HDAC4: variants seen among roughly 807,000 people sequenced by gnomAD.
HDAC4 encodes histone deacetylase 4.
Under a neutral mutation model 135.1 loss-of-function variants are expected in HDAC4, and 16 were observed. The observed-to-expected ratio is 0.12, with a 90% confidence interval of 0.08 to 0.18. HDAC4 has a LOEUF of 0.18. HDAC4 is among the 10% of genes least tolerant of loss of function. HDAC4 has a pLI of 1.00. For synonymous variants in HDAC4, 685 were observed against 653.4 expected, an observed-to-expected ratio of 1.05 and a Z score of -0.74; for missense variants, 1,143 against 1,511.8, an observed-to-expected ratio of 0.76 and a Z score of 4.05.
intron 3 of HDAC4, among the ~76,000 whole-genome samples, chr2:239,197,847 T>TTG (rs368801140): frequency 0.056 from 7,902 of 140,144 alleles, 246 homozygotes; most frequent in Admixed American, 0.069. Flanking sequence ...CACTAAAAGT[T>TTG]TGTGTGTGTG....
At chr2:239,067,894 C>T (rs2033728197) in intron 23 of HDAC4, among the ~76,000 whole-genome samples, 1 of 152,202 alleles carries the variant, frequency 6.6e-6, no homozygotes, top group Admixed American at 6.5e-5. Context: ...GGAGGCTCTC[C>T]AGGATCCTCG....
Position 239,134,377 on chromosome 2 carries a change from A to G in HDAC4, c.1162T>C (p.Phe388Leu). ...LPALQQRLSLFPGTHLTPYLS... is the reference protein window; with the variant it reads ...LPALQQRLSLLPGTHLTPYLS... Reference sequence around the variant, plus strand: ...TAGGGAGTGAGGTGGGTGCCGGGGAAAAGGGAGAGCCTCTGCTGGAGGGCG... The same window carrying G: ...TAGGGAGTGAGGTGGGTGCCGGGGAGAAGGGAGAGCCTCTGCTGGAGGGCG... The change falls in exon 11 of 27, where the codon TTC becomes CTC. Residue 388 changes from phenylalanine to leucine, a missense_variant. Transcript: ENST00000543185. 6.2e-7 allele frequency: 1 copy of G among 1,613,954 alleles called. No homozygotes were observed. Among genetic ancestry groups the G allele is most frequent in the Non-Finnish European group, 8.5e-7 (1 of 1,179,984 alleles).
intron 6 of HDAC4, 39 bp from the exon 7 acceptor site, chr2:239,156,812 G>A: frequency 1.2e-6 from 2 of 1,613,540 alleles, no homozygotes. Flanking sequence ...AGTTTACCCA[G>A]CGCACTGCCC....
chr2:239,168,616 T>G (rs11679247), intron 5 of HDAC4, among the ~76,000 whole-genome samples: 13,158 of 152,198 alleles, frequency 0.086, 653 homozygotes, highest in East Asian at 0.17. Flanking sequence ...TTCAAATGCT[T>G]AGATGCTGGC....
In HDAC4 at chr2:239,059,261, TAAG is replaced by T. The variant is rs754494458; in HGVS notation, c.3004-4431_3004-4429del. 7.9e-4 allele frequency among the ~76,000 whole-genome samples: 121 copies of T among 152,258 alleles called. 1 individual carries two copies. Among genetic ancestry groups the T allele is most frequent in the Non-Finnish European group, 1.2e-3 (83 of 68,018 alleles). On this transcript the variant is annotated intron_variant, in intron 24 of 26. Transcript: ENST00000543185. ...AAAGACTAAAAATAAATATCCAATG[TAAG>T]AAGTTAGCCAGAGAACACAGTGGTC...
chr2:239,326,324 AG>A (rs1337537739), intron 2 of HDAC4, among the ~76,000 whole-genome samples: 1 of 152,224 alleles, frequency 6.6e-6, no homozygotes, highest in Non-Finnish European at 1.5e-5. Context: ...AGATTCGCTG[AG>A]AAAGCAGAAT....
chr2:239,208,079 T>C (rs576824656), intron 3 of HDAC4, among the ~76,000 whole-genome samples: 2 of 151,752 alleles, frequency 1.3e-5, no homozygotes, highest in South Asian at 2.1e-4. Flanking sequence ...TCCCAGCACT[T>C]TGGGAGGCTG....
Position 239,272,333 on chromosome 2 carries a change from A to C in HDAC4, c.23-35669T>G, listed in dbSNP as rs2050104448. Among the ~76,000 whole-genome samples, 3 of 152,250 alleles carry C rather than the reference A, an allele frequency of 2.0e-5. No individual in the cohort carries two copies. In the South Asian group the frequency reaches 6.2e-4, roughly 32 times the overall value. On this transcript the variant is annotated intron_variant, in intron 2 of 26. Transcript: ENST00000543185. ...AATAGCCAAACAGGATACCAGCAAA[A>C]TAAAAATCTTCTGAGCTTCAAAAGA...
At chr2:239,067,014 G>C in intron 23 of HDAC4, 159 bp from the exon 24 acceptor site, 1 of 826,450 alleles carries the variant, frequency 1.2e-6, no homozygotes, top group Non-Finnish European at 2.0e-6. Context: ...GAAGAGTTTC[G>C]GCTTTGGATT....
chr2:239,126,435 G>A (rs377298362), intron 12 of HDAC4, 21 bp downstream of exon 12: 6 of 1,613,120 alleles, frequency 3.7e-6, no homozygotes, highest in Non-Finnish European at 4.2e-6. Context: ...GGGCCTGGGA[G>A]CGCTGAGCCG....
At position 239,051,959 on chromosome 2, in the gene HDAC4, T is replaced by C. The variant is rs570335354; in HGVS notation, c.*1138A>G. On this transcript the variant is annotated 3_prime_UTR_variant, in exon 27 of 27. Coordinates refer to ENST00000543185, the MANE Select transcript of HDAC4 (RefSeq NM_001378414.1). ...AATACATTGGAATATATATTATACA[T>C]ATATATATTTATTTATACCTAAAAT... The C allele has an allele frequency of 5.3e-5, 8 of 151,828 alleles. No homozygotes were observed. The highest frequency in any genetic ancestry group is 4.6e-4 in the Admixed American group (7 of 15,214). The allele number at this position is 151,828 out of a possible 1,614,324, so 9.4% of individuals were successfully genotyped here. A position where few individuals can be genotyped will look rare whatever the true frequency, so the allele number is the denominator to read the frequency against.
chr2:239,347,697 T>C (rs1474899752), intron 2 of HDAC4, among the ~76,000 whole-genome samples: 2 of 152,132 alleles, frequency 1.3e-5, no homozygotes, highest in Admixed American at 1.3e-4. Flanking sequence ...GTGTTTTTAG[T>C]AGAGACGGGG....
chr2:239,123,736 G>A (rs1483177961), intron 12 of HDAC4, among the ~76,000 whole-genome samples: 1 of 152,228 alleles, frequency 6.6e-6, no homozygotes, highest in Non-Finnish European at 1.5e-5. Flanking sequence ...GACCAGGCAG[G>A]CAGGAGGGGC....
chr2:239,295,487 C>G (rs967983342), intron 2 of HDAC4, among the ~76,000 whole-genome samples: 5 of 152,150 alleles, frequency 3.3e-5, no homozygotes, highest in East Asian at 1.9e-4. Context: ...GGTGACAGGA[C>G]TAGGAGTCAG....
intron 1 of HDAC4, among the ~76,000 whole-genome samples, chr2:239,372,268 C>G (rs552921282): frequency 6.6e-6 from 1 of 152,352 alleles, no homozygotes; most frequent in East Asian, 1.9e-4. Flanking sequence ...CAAGCCGGCA[C>G]TGGAAGGGCC....
chr2:239,064,734 G>T (rs1304627587), intron 24 of HDAC4, among the ~76,000 whole-genome samples: 1 of 152,184 alleles, frequency 6.6e-6, no homozygotes, highest in Non-Finnish European at 1.5e-5. Context: ...GACCAGTGGG[G>T]TTCCTCTCAT....
At chr2:239,111,481 G>A (rs1321391868) in intron 14 of HDAC4, 45 bp downstream of exon 14, 1 of 1,568,344 alleles carries the variant, frequency 6.4e-7, no homozygotes, top group Admixed American at 1.8e-5. Context: ...TGTGCCCACT[G>A]TGGCCCGCGT....
chr2:239,124,737 G>A (rs77703179), intron 12 of HDAC4, among the ~76,000 whole-genome samples: 477 of 19,670 alleles, frequency 0.024, 8 homozygotes, highest in Middle Eastern at 0.062. Flanking sequence ...GCGTGTGGCT[G>A]CGTTATATGA....
chr2:239,262,813 G>GT lies in HDAC4; in HGVS notation c.23-26150dup, dbSNP rs1462038901. 9.9e-5 allele frequency among the ~76,000 whole-genome samples: 15 copies of GT among 152,230 alleles called. No individual in the cohort carries two copies. Among genetic ancestry groups the GT allele is most frequent in the African/African-American group, 3.6e-4 (15 of 41,470 alleles). ...CAGGCACTAAGGACACGGAGGGACT[G>GT]TTCTGGGATCCACCCAGCAGCTCTT... On this transcript the variant is annotated intron_variant, in intron 2 of 26. Coordinates refer to ENST00000543185, the MANE Select transcript of HDAC4 (RefSeq NM_001378414.1). The surrounding 1 kb of genome is among the most constrained non-coding windows in gnomAD (Gnocchi z 4.1).
Sources: gnomAD v4.1 joint callset for allele counts (sites outside exome capture counted in the v4.1 genomes callset) on GRCh38, gnomAD v4.1.1 for gene constraint, Gnocchi (gnomAD v3.1) non-coding constraint, MANE v1.5 for transcripts, NCBI Gene and HGNC (gene_info 2026-07-23, HGNC 2026-07-21) for gene names.